Variants in MARK4 observed in about 807,000 individuals in gnomAD.
The protein encoded by MARK4 is microtubule affinity regulating kinase 4.
In MARK4, 19 loss-of-function variants were observed where a neutral mutation model predicts 81.5. The observed-to-expected ratio is 0.23, with a 90% CI of 0.16 to 0.34. MARK4 has a LOEUF of 0.34. MARK4 is among the 10% of genes least tolerant of loss of function. The probability of loss-of-function intolerance (pLI) is 1.00; values close to 1 mark genes in which losing one functional copy is unlikely to be tolerated. For synonymous variants in MARK4, 436 were observed against 439.0 expected (o/e 0.99, Z 0.08); for missense variants, 772 against 1,058.8 (o/e 0.73, Z 3.76).
chr19:45,287,129 A>C (rs187831119), intron 12 of MARK4, among the ~76,000 whole-genome samples: 1 of 149,378 alleles, frequency 6.7e-6, no homozygotes, highest in Non-Finnish European at 1.5e-5. Flanking sequence ...GCTTGAACCC[A>C]GGAGGTGGAG....
At position 45,272,700 on chromosome 19, in the gene MARK4, CA is replaced by C. The variant is rs199618344; in HGVS notation, c.786+994del. Among the ~76,000 whole-genome samples the C allele has an allele frequency of 9.8e-3, 1,496 of 152,134 alleles. 25 individuals are homozygous for C. The highest frequency in any genetic ancestry group is 0.034 in the African/African-American group (1,411 of 41,506). On this transcript the variant is annotated intron_variant, in intron 8 of 16. Transcript: ENST00000262891. ...GTCAGGAGTTCGAGACCAGCCTGGC[CA>C]ACATGGTGAAACCCTGTCTTTACTA...
intron 1 of MARK4, among the ~76,000 whole-genome samples, chr19:45,258,368 G>A (rs908780919): frequency 4.6e-5 from 7 of 152,208 alleles, no homozygotes; most frequent in Admixed American, 3.9e-4. Flanking sequence ...TTATTGCGGT[G>A]GTCTGGAACC....
chr19:45,303,712 A>G lies in MARK4; in HGVS notation c.*1002A>G, dbSNP rs1971011614. ...TACTCCATGCCAGGCCCAGTGCTGG[A>G]CACAGAGACATGAAGCTCTGTCTGT... On this transcript the variant is annotated 3_prime_UTR_variant, in exon 17 of 17. Transcript: ENST00000262891. The G allele has an allele frequency of 6.6e-6, 1 of 152,190 alleles. No individual in the cohort carries two copies. Among genetic ancestry groups the G allele is most frequent in the Admixed American group, 6.5e-5 (1 of 15,282 alleles). The allele number at this position is 152,190 out of a possible 1,614,324, so 9.4% of individuals were successfully genotyped here.
intron 9 of MARK4, 125 bp downstream of exon 9, chr19:45,278,167 CTGCTGG>C (rs1384102500): frequency 7.2e-7 from 1 of 1,391,922 alleles, no homozygotes; most frequent in African/African-American, 1.4e-5. Context: ...CGAAGATCTG[CTGCTGG>C]TGAGTGGGGG....
chr19:45,268,429 CA>C (rs761170852), intron 7 of MARK4, among the ~76,000 whole-genome samples: 1 of 151,866 alleles, frequency 6.6e-6, no homozygotes, highest in Non-Finnish European at 1.5e-5. Flanking sequence ...ACTAAAAATA[CA>C]AAAATTAGGT....
At chr19:45,301,460 G>A (rs1970970842) in intron 16 of MARK4, among the ~76,000 whole-genome samples, 1 of 150,480 alleles carries the variant, frequency 6.6e-6, no homozygotes, top group African/African-American at 2.4e-5. Context: ...GGGAAGCTGA[G>A]GCAGGAGAAT....
At chr19:45,266,647 A>G (rs1264454400) in intron 7 of MARK4, among the ~76,000 whole-genome samples, 1 of 151,604 alleles carries the variant, frequency 6.6e-6, no homozygotes, top group Non-Finnish European at 1.5e-5. Context: ...ACCTTAGGAC[A>G]TTCAGGACTC....
chr19:45,278,407 C>T (rs934836184), intron 9 of MARK4, 109 bp from the exon 10 acceptor site: 50 of 981,768 alleles, frequency 5.1e-5, no homozygotes, highest in African/African-American at 5.0e-4. Context: ...TTAGGAAGCC[C>T]GCAATTCTGG....
chr19:45,263,266 C>T, intron 3 of MARK4, 53 bp from the exon 4 acceptor site: 1 of 1,613,928 alleles, frequency 6.2e-7, no homozygotes, highest in Middle Eastern at 1.7e-4. Flanking sequence ...GGAAAGGATC[C>T]CCCAAGCCAC....
At position 45,277,915 on chromosome 19, in the gene MARK4, C is replaced by A; in HGVS notation, c.787-8C>A. ...AGACCCCCTCCTCCAGTAACCCCAT[C>A]CCTGCAGGAGCTGCGGGAGCGAGTA... On this transcript the variant is annotated splice_polypyrimidine_tract_variant and splice_region_variant and intron_variant, in intron 8 of 16. Coordinates refer to ENST00000262891, the MANE Select transcript of MARK4 (RefSeq NM_001199867.2). The A allele has an allele frequency of 6.2e-7, 1 of 1,610,956 alleles. No homozygotes were observed. The highest frequency in any genetic ancestry group is 8.5e-7 in the Non-Finnish European group (1 of 1,178,708).
chr19:45,297,143 G>T (rs1158198776), intron 14 of MARK4, among the ~76,000 whole-genome samples: 1 of 152,110 alleles, frequency 6.6e-6, no homozygotes, highest in Non-Finnish European at 1.5e-5. Flanking sequence ...GAACTCAGGA[G>T]ATGGAGGTCT....
Position 45,277,962 on chromosome 19 carries a change from C to A in MARK4, c.826C>A (p.Pro276Thr). The A allele has an allele frequency of 6.2e-7, 1 of 1,613,316 alleles. No individual in the cohort carries two copies. Among genetic ancestry groups the A allele is most frequent in the Non-Finnish European group, 8.5e-7 (1 of 1,179,796 alleles). The change falls in exon 9 of 17, where the codon CCT (proline) becomes ACT (threonine). Residue 276 changes from proline (P) to threonine (T), a missense_variant. Around this residue, in one of 3 missense-constraint regions of MARK4, gnomAD observed 109 missense variants for 294.7 expected, o/e 0.37. Transcript: ENST00000262891. ...ERVLRGKYRV[P>T]FYMSTDCESI... is the part of the protein sequence containing the mutation. ...AGTACTCAGAGGGAAGTACCGGGTCCCTTTCTACATGTCAACAGACTGTGA... is the reference window on the plus strand; with the variant it reads ...AGTACTCAGAGGGAAGTACCGGGTCACTTTCTACATGTCAACAGACTGTGA...
At chr19:45,288,366 A>G (rs963218150) in intron 13 of MARK4, 2 of 151,844 alleles carry the variant, frequency 1.3e-5, no homozygotes, top group Admixed American at 6.6e-5. Context: ...CTGCCTGGCC[A>G]ATATGGTGAA....
rs1970997990 is a variant in MARK4 at position 45,302,942 on chromosome 19, C to A, written c.*232C>A. The stretch of plus-strand genomic sequence containing the variant: ...CACCTTCCTGGAGCCTCCAGCCAGT[C>A]CTGTCCTCCCTCGCCCTACCAAGAG... On this transcript the variant is annotated 3_prime_UTR_variant, in exon 17 of 17. Transcript: ENST00000262891. This position sits in a 1 kb window ranked among gnomAD's most constrained non-coding sequence, Gnocchi z 4.9. The A allele has an allele frequency of 3.1e-6, 2 of 652,110 alleles. No individual in the cohort carries two copies. Among genetic ancestry groups the A allele is most frequent in the African/African-American group, 1.9e-5 (1 of 53,810 alleles). 40.4% of individuals were successfully genotyped at this position (652,110 alleles called of 1,614,324 possible).
rs771693942 is a variant in MARK4 at position 45,280,600 on chromosome 19, G to T, written c.1142G>T (p.Gly381Val). The T allele has an allele frequency of 1.7e-5, 28 of 1,613,766 alleles. No homozygotes were observed. In the South Asian group the frequency reaches 3.0e-4, roughly 17 times the overall value. ...TEEGGDRGAP[G>V]LALARVRAPS... ...GAGGGTGGGGACCGGGGCGCCCCAG[G>T]GCTGGCCCTGGCACGGGTGCGGGCG... The change falls in exon 12 of 17, where the codon GGG becomes GTG. Residue 381 changes from glycine to valine, a missense_variant. Physicochemically the swap from Gly to Val is moderately radical, Grantham distance 109 (BLOSUM62 -3). Coordinates refer to ENST00000262891, the MANE Select transcript of MARK4 (RefSeq NM_001199867.2).
intron 7 of MARK4, among the ~76,000 whole-genome samples, chr19:45,269,230 A>G (rs1970494577): frequency 6.6e-6 from 1 of 152,060 alleles, no homozygotes; most frequent in Non-Finnish European, 1.5e-5. Flanking sequence ...AATAAAAAAA[A>G]TAGCCAGGTG....
chr19:45,271,818 C>G lies in MARK4; in HGVS notation c.786+110C>G. The G allele has an allele frequency of 9.5e-7, 1 of 1,052,256 alleles. No individual in the cohort carries two copies. Among genetic ancestry groups the G allele is most frequent in the Admixed American group, 2.3e-5 (1 of 43,756 alleles). 65.2% of individuals were successfully genotyped at this position (1,052,256 alleles called of 1,614,324 possible). ...CTCAGTGGTGGGACTGGCCTGAGTT[C>G]TCATGGGAAGATGGGGGATGGGCAG... On this transcript the variant is annotated intron_variant, in intron 8 of 16. Coordinates refer to ENST00000262891, the MANE Select transcript of MARK4 (RefSeq NM_001199867.2). The surrounding 1 kb of genome is among the most constrained non-coding windows in gnomAD (Gnocchi z 4.1).
chr19:45,280,510 G>A (rs966022010), intron 11 of MARK4, 27 bp downstream of exon 11: 1 of 1,614,084 alleles, frequency 6.2e-7, no homozygotes, highest in Non-Finnish European at 8.5e-7. Context: ...GGCCCTTGGG[G>A]ACGCGTGATG....
chr19:45,284,359 G>A (rs1400306573), intron 12 of MARK4, among the ~76,000 whole-genome samples: 1 of 148,494 alleles, frequency 6.7e-6, no homozygotes, highest in East Asian at 2.0e-4. Context: ...GTCTCGCTCC[G>A]TTGCCCAAGC....
Sources: gnomAD v4.1 joint callset for allele counts (sites outside exome capture counted in the v4.1 genomes callset) on GRCh38, gnomAD v4.1.1 for gene constraint, gnomAD v4.1.1 regional missense constraint, Gnocchi (gnomAD v3.1) non-coding constraint, MANE v1.5 for transcripts, NCBI Gene and HGNC (gene_info 2026-07-23, HGNC 2026-07-21) for gene names.